Variants in PTP4A1 observed in about 807,000 individuals in gnomAD.
PTP4A1 encodes protein tyrosine phosphatase type IVA 1.
A neutral mutation model predicts 20.5 loss-of-function variants in PTP4A1; 9 were observed. The ratio of observed to expected loss-of-function variants is 0.44; its 90% CI spans 0.26 to 0.77. PTP4A1 has a LOEUF of 0.77. Among genes scored for constraint, PTP4A1 ranks in the 30% least tolerant of loss-of-function variants. The pLI is 0.19. For synonymous variants in PTP4A1, 78 were observed against 67.4 expected, an observed-to-expected ratio of 1.16 and a Z score of -0.77; for missense variants, 137 against 218.8, an observed-to-expected ratio of 0.63 and a Z score of 2.36.
chr6:63,575,288 CTA>C (rs1173643480), intron 1 of PTP4A1, among the ~76,000 whole-genome samples: 3 of 152,202 alleles, frequency 2.0e-5, no homozygotes, highest in Admixed American at 6.5e-5. Flanking sequence ...GAGGCAGTGA[CTA>C]TGAATTACTG....
chr6:63,533,679 G>A (rs571586195), intron 2 of PTP4A1, among the ~76,000 whole-genome samples: 1 of 152,220 alleles, frequency 6.6e-6, no homozygotes, highest in African/African-American at 2.4e-5. Flanking sequence ...TTACTTGGGA[G>A]GACAGGATTA....
intron 3 of PTP4A1, among the ~76,000 whole-genome samples, chr6:63,551,203 C>T (rs1264241303): frequency 2.6e-5 from 4 of 151,926 alleles, no homozygotes; most frequent in African/African-American, 7.3e-5. Context: ...ATAGCTGGGA[C>T]TACAGGGGCG....
chr6:63,576,689 A>G lies in PTP4A1; in HGVS notation c.-192A>G. The G allele has an allele frequency of 1.7e-6, 1 of 602,610 alleles. No individual in the cohort carries two copies. Among genetic ancestry groups the G allele is most frequent in the Non-Finnish European group, 2.9e-6 (1 of 343,510 alleles). The allele number at this position is 602,610 out of a possible 1,614,324, so 37.3% of individuals were successfully genotyped here. A position where few individuals can be genotyped will look rare whatever the true frequency, so the allele number is the denominator to read the frequency against. On this transcript the variant is annotated 5_prime_UTR_variant, in exon 2 of 6. Transcript: ENST00000626021. Reference sequence around the variant, plus strand: ...CTTCTTTTCTGTTGGCCTCAGTATTACTGGATTGAAGAATTGCTGCTTCTT... The same window carrying G: ...CTTCTTTTCTGTTGGCCTCAGTATTGCTGGATTGAAGAATTGCTGCTTCTT...
chr6:63,539,762 T>A (rs549609519), intron 2 of PTP4A1, among the ~76,000 whole-genome samples: 19 of 148,902 alleles, frequency 1.3e-4, no homozygotes, highest in Admixed American at 6.0e-4. Context: ...AGTGAGACTC[T>A]GTCTCAAAAA....
intron 2 of PTP4A1, among the ~76,000 whole-genome samples, chr6:63,532,727 T>G (rs866767188): frequency 6.6e-6 from 1 of 152,130 alleles, no homozygotes; most frequent in Non-Finnish European, 1.5e-5. Flanking sequence ...GTTAAAATAT[T>G]TTATTGTTAC....
At chr6:63,566,107 C>G (rs934262799) in intron 3 of PTP4A1, among the ~76,000 whole-genome samples, 5 of 152,190 alleles carry the variant, frequency 3.3e-5, no homozygotes, top group Admixed American at 3.3e-4. Flanking sequence ...CCTGTTTTGT[C>G]CCACTGAACC....
rs1182754786 is a variant in PTP4A1, at chr6:63,576,737, TC to T, written c.-143del. ...CTTGTTAGGAGGTTCATTTCACTTA[TC>T]ATTACTTACAACTTCATACTCAAAG... On this transcript the variant is annotated 5_prime_UTR_variant, in exon 2 of 6. Transcript: ENST00000626021. 1.5e-6 allele frequency: 1 copy of T among 659,248 alleles called. No homozygotes were observed. The highest frequency in any genetic ancestry group is 2.6e-6 in the Non-Finnish European group (1 of 384,500). 40.8% of individuals were successfully genotyped at this position (659,248 alleles called of 1,614,324 possible).
rs140023748 is a variant in PTP4A1, at chr6:63,532,065, C to A, written c.-640+3981C>A. ...ACACCCACCTCGGCCTCCCAGAGTG[C>A]TGGGATTACAGGCGTGAGCCACCAC... On this transcript the variant is annotated intron_variant, in intron 2 of 3. Transcript: ENST00000639568. Among the ~76,000 whole-genome samples, 456 of 152,298 alleles carry A rather than the reference C, an allele frequency of 3.0e-3. 2 individuals carry two copies. Among genetic ancestry groups the A allele is most frequent in the African/African-American group, 0.01 (431 of 41,568 alleles).
chr6:63,528,721 C>T (rs1200820183), intron 2 of PTP4A1, among the ~76,000 whole-genome samples: 1 of 152,064 alleles, frequency 6.6e-6, no homozygotes, highest in Admixed American at 6.6e-5. Context: ...CAAGATTGCA[C>T]CACTGTACTC....
intron 3 of PTP4A1, among the ~76,000 whole-genome samples, chr6:63,558,854 G>A (rs971633318): frequency 2.0e-5 from 3 of 152,178 alleles, no homozygotes; most frequent in African/African-American, 7.2e-5. Context: ...TTTCAAGAAA[G>A]AAATAAAGAT....
intron 1 of PTP4A1, among the ~76,000 whole-genome samples, chr6:63,526,442 C>T (rs1224534323): frequency 1.3e-5 from 2 of 151,960 alleles, no homozygotes; most frequent in Non-Finnish European, 2.9e-5. Flanking sequence ...TTCCCAGAAT[C>T]AGAGCCAATC....
upstream of PTP4A1, among the ~76,000 whole-genome samples, chr6:63,568,658 T>TAA (rs112045436): frequency 2.1e-5 from 3 of 144,620 alleles, no homozygotes; most frequent in Non-Finnish European, 4.6e-5. Context: ...ATCATTTTGT[T>TAA]AAAAAAAAAA....
intron 1 of PTP4A1, among the ~76,000 whole-genome samples, chr6:63,526,836 T>TATATATATATATATAG (rs1491260087): frequency 7.6e-6 from 1 of 132,240 alleles, no homozygotes; most frequent in East Asian, 2.1e-4. Flanking sequence ...TATATATATA[T>TATATATATATATATAG]TTATTTATTT....
chr6:63,517,445 T>G (rs1774768679), upstream of PTP4A1, among the ~76,000 whole-genome samples: 1 of 152,064 alleles, frequency 6.6e-6, no homozygotes, highest in Non-Finnish European at 1.5e-5. Flanking sequence ...AAAAAGAAAT[T>G]TAAAATGGAA....
Position 63,572,516 on chromosome 6 carries a change from C to T in PTP4A1, c.-649C>T, listed in dbSNP as rs1777506815. 1 of 391,776 alleles carries T rather than the reference C, an allele frequency of 2.6e-6. No individual in the cohort carries two copies. Among genetic ancestry groups the T allele is most frequent in the East Asian group, 3.6e-5 (1 of 27,540 alleles). 24.3% of individuals were successfully genotyped at this position (391,776 alleles called of 1,614,324 possible). A position where few individuals can be genotyped will look rare whatever the true frequency, so the allele number is the denominator to read the frequency against. On this transcript the variant is annotated 5_prime_UTR_variant, in exon 1 of 6. Transcript: ENST00000626021. ...TGTATTGGCTCCTTCGGCTGCGGGCCGGCTCGGCTACGCGCTCTGCTCCGA... is the reference window on the plus strand; with the variant it reads ...TGTATTGGCTCCTTCGGCTGCGGGCTGGCTCGGCTACGCGCTCTGCTCCGA...
chr6:63,574,458 C>T (rs1581947266), intron 1 of PTP4A1, among the ~76,000 whole-genome samples: 1 of 152,078 alleles, frequency 6.6e-6, no homozygotes, highest in African/African-American at 2.4e-5. Context: ...CTATCGGTGG[C>T]CACCACTGCT....
At chr6:63,577,211 G>T (rs547447169) in intron 2 of PTP4A1, among the ~76,000 whole-genome samples, 18 of 152,324 alleles carry the variant, frequency 1.2e-4, no homozygotes, top group Non-Finnish European at 2.1e-4. Context: ...GCTTGAATTG[G>T]TATGTGGACA....
intron 2 of PTP4A1, among the ~76,000 whole-genome samples, chr6:63,577,762 G>C (rs1276033954): frequency 1.3e-5 from 2 of 151,838 alleles, no homozygotes; most frequent in Non-Finnish European, 2.9e-5. Context: ...ATATTGGCCA[G>C]GCTGGTCTCG....
chr6:63,553,604 G>T (rs1473493104), intron 3 of PTP4A1, among the ~76,000 whole-genome samples: 1 of 152,192 alleles, frequency 6.6e-6, no homozygotes, highest in Non-Finnish European at 1.5e-5. Context: ...AGATCTTGAT[G>T]TTCTAACTAA....
Sources: gnomAD v4.1 joint callset for allele counts (sites outside exome capture counted in the v4.1 genomes callset) on GRCh38, gnomAD v4.1.1 for gene constraint, MANE v1.5 for transcripts, NCBI Gene and HGNC (gene_info 2026-07-23, HGNC 2026-07-21) for gene names.